Variants in ARHGAP26 observed in about 807,000 individuals in gnomAD.
ARHGAP26 encodes the protein rho GTPase-activating protein 26.
ARHGAP26 carries 38 observed loss-of-function variants against 104.8 expected under a neutral mutation model. That is an observed-to-expected ratio of 0.36 (90% CI 0.28 to 0.48). The LOEUF is 0.48. ARHGAP26 is among the 20% of genes least tolerant of loss of function. ARHGAP26 has a pLI of 0.99. For synonymous variants in ARHGAP26, 341 were observed against 340.0 expected (o/e 1.00, Z -0.03); for missense variants, 704 against 947.9 (o/e 0.74, Z 3.38).
At chr5:143,184,297 C>T (rs1002180954) in intron 20 of ARHGAP26, among the ~76,000 whole-genome samples, 1 of 152,134 alleles carries the variant, frequency 6.6e-6, no homozygotes, top group Non-Finnish European at 1.5e-5. Context: ...AATATTCAGG[C>T]CTCCCCCTAA....
At chr5:143,112,531 G>A (rs377314651) in intron 17 of ARHGAP26, among the ~76,000 whole-genome samples, 43 of 152,268 alleles carry the variant, frequency 2.8e-4, no homozygotes, top group African/African-American at 1.0e-3. Flanking sequence ...GTTCAGTGGT[G>A]GTGTATAGTC....
At chr5:143,014,176 T>C in intron 12 of ARHGAP26, 60 bp downstream of exon 12, 1 of 1,589,528 alleles carries the variant, frequency 6.3e-7, no homozygotes, top group Non-Finnish European at 8.6e-7. Flanking sequence ...TTTGAGAAGT[T>C]GCTACTCCAG....
At chr5:142,941,675 T>TTAGATTA (rs1156797378) in intron 11 of ARHGAP26, among the ~76,000 whole-genome samples, 1 of 152,236 alleles carries the variant, frequency 6.6e-6, no homozygotes, top group Non-Finnish European at 1.5e-5. Flanking sequence ...TATGTCCTTG[T>TTAGATTA]TCTCTTTGGT....
chr5:142,900,281 T>G (rs1760112788), intron 6 of ARHGAP26, among the ~76,000 whole-genome samples: 1 of 152,114 alleles, frequency 6.6e-6, no homozygotes, highest in Non-Finnish European at 1.5e-5. Flanking sequence ...AAGAAAAACA[T>G]TCATTATCAG....
intron 17 of ARHGAP26, among the ~76,000 whole-genome samples, chr5:143,074,088 G>C (rs1788646499): frequency 6.6e-6 from 1 of 151,954 alleles, no homozygotes; most frequent in Admixed American, 6.6e-5. Flanking sequence ...ATCTTAAAAA[G>C]GTTTTTGTGG....
Position 142,850,063 on chromosome 5 carries a change from ACT to A in ARHGAP26, c.155-23334_155-23333del, listed in dbSNP as rs548602142. On this transcript the variant is annotated intron_variant, in intron 1 of 22. Transcript: ENST00000645722. ...CTTCCCTTCCTCTGTGGAGACAGAG[ACT>A]CTGCTCTGCTGCCTCCTGCAGCCTC... is the stretch of plus-strand genomic sequence containing the variant. Among the ~76,000 whole-genome samples, 1,210 of 151,934 alleles carry A rather than the reference ACT, an allele frequency of 8.0e-3. 24 individuals carry two copies. Among genetic ancestry groups the A allele is most frequent in the African/African-American group, 0.027 (1,138 of 41,450 alleles).
intron 12 of ARHGAP26, among the ~76,000 whole-genome samples, chr5:143,022,917 G>T (rs1191485154): frequency 6.6e-6 from 1 of 152,196 alleles, no homozygotes; most frequent in Non-Finnish European, 1.5e-5. Flanking sequence ...GGGCTGGAAG[G>T]AATTTCATCA....
At chr5:143,163,351 G>T (rs258787) in intron 20 of ARHGAP26, among the ~76,000 whole-genome samples, 2 of 152,024 alleles carry the variant, frequency 1.3e-5, no homozygotes, top group African/African-American at 4.8e-5. Flanking sequence ...TCCCTAGTTC[G>T]TTTTCTAGAT....
chr5:142,885,942 T>G (rs1757639068), intron 5 of ARHGAP26, among the ~76,000 whole-genome samples: 1 of 152,188 alleles, frequency 6.6e-6, no homozygotes, highest in Non-Finnish European at 1.5e-5. Flanking sequence ...TTCAAGAAAA[T>G]ACATTCTTAA....
intron 11 of ARHGAP26, among the ~76,000 whole-genome samples, chr5:142,985,220 A>G (rs1774506478): frequency 6.6e-6 from 1 of 152,220 alleles, no homozygotes; most frequent in Admixed American, 6.5e-5. Context: ...ACAGCTGTAC[A>G]ATGTGTTTGT....
At chr5:143,219,877 C>T (rs9324909) in intron 22 of ARHGAP26, among the ~76,000 whole-genome samples, 42 of 152,042 alleles carry the variant, frequency 2.8e-4, no homozygotes, top group Admixed American at 2.7e-3. Context: ...CACATGCTTT[C>T]GTATAAATCC....
At chr5:143,136,212 A>G (rs990958834) in intron 19 of ARHGAP26, among the ~76,000 whole-genome samples, 6 of 152,224 alleles carry the variant, frequency 3.9e-5, no homozygotes, top group South Asian at 2.1e-4. Context: ...ATCAGGAGAA[A>G]ATCAGCTAGA....
At position 143,224,498 on chromosome 5, in the gene ARHGAP26, G is replaced by T. The variant is rs192404490; in HGVS notation, c.*2052G>T. ...AAGATGAAGCTCAGGATTTAAATAA[G>T]TGGGGTCAGGCATTCGAGTTTTTGT... On this transcript the variant is annotated 3_prime_UTR_variant, in exon 23 of 23. Transcript: ENST00000645722. The T allele has an allele frequency of 4.3e-6, 1 of 230,360 alleles. No homozygotes were observed. The highest frequency in any genetic ancestry group is 5.7e-5 in the Admixed American group (1 of 17,684). 14.3% of individuals were successfully genotyped at this position (230,360 alleles called of 1,614,324 possible). A position where few individuals can be genotyped will look rare whatever the true frequency, so the allele number is the denominator to read the frequency against.
chr5:143,031,016 C>T (rs532556055), intron 12 of ARHGAP26, among the ~76,000 whole-genome samples: 4 of 152,286 alleles, frequency 2.6e-5, no homozygotes, highest in East Asian at 3.9e-4. Flanking sequence ...TAGGTGGGAA[C>T]GTCTGAGTGA....
intron 19 of ARHGAP26, among the ~76,000 whole-genome samples, chr5:143,144,156 G>A (rs1344942739): frequency 2.0e-5 from 3 of 152,172 alleles, no homozygotes; most frequent in African/African-American, 7.2e-5. Context: ...TTTTCCTTCA[G>A]CAACATAATT....
intron 9 of ARHGAP26, among the ~76,000 whole-genome samples, chr5:142,910,415 C>T (rs908795968): frequency 6.6e-6 from 1 of 152,116 alleles, no homozygotes; most frequent in African/African-American, 2.4e-5. Flanking sequence ...GTAGAGGAAT[C>T]ATGTGATGTT....
intron 1 of ARHGAP26, among the ~76,000 whole-genome samples, chr5:142,861,335 A>C (rs1007223573): frequency 6.6e-6 from 1 of 151,808 alleles, no homozygotes; most frequent in African/African-American, 2.4e-5. Flanking sequence ...GGCTTTGTTC[A>C]GAATGGCTAG....
chr5:142,953,187 G>T (rs1052949451), intron 11 of ARHGAP26, among the ~76,000 whole-genome samples: 1 of 152,116 alleles, frequency 6.6e-6, no homozygotes, highest in Non-Finnish European at 1.5e-5. Flanking sequence ...TCTCATTCTT[G>T]ACATACAAGG....
At chr5:143,156,707 A>G (rs1213294799) in intron 20 of ARHGAP26, among the ~76,000 whole-genome samples, 1 of 152,234 alleles carries the variant, frequency 6.6e-6, no homozygotes, top group Non-Finnish European at 1.5e-5. Context: ...AGCCTGTGTC[A>G]TCACCAGCAC....
Sources: allele counts gnomAD v4.1 joint callset (sites outside exome capture counted in the v4.1 genomes callset), GRCh38; gene constraint gnomAD v4.1.1; transcripts MANE v1.5; gene names NCBI Gene and HGNC (gene_info 2026-07-23, HGNC 2026-07-21).